DPP6: variants seen among roughly 807,000 people sequenced by gnomAD.
The protein encoded by DPP6 is A-type potassium channel modulatory protein DPP6.
DPP6 carries 69 observed loss-of-function variants against 122.6 expected under a neutral mutation model. That is an observed-to-expected ratio of 0.56 (90% CI 0.46 to 0.69). The LOEUF (loss-of-function observed/expected upper bound fraction) is 0.69. Among genes scored for constraint, DPP6 ranks in the 30% least tolerant of loss-of-function variants. The pLI, the probability that DPP6 is intolerant of heterozygous loss-of-function variation, is 0.00. For synonymous variants in DPP6, 418 were observed against 433.1 expected, an observed-to-expected ratio of 0.97 and a Z score of 0.43; for missense variants, 928 against 1,116.9, an observed-to-expected ratio of 0.83 and a Z score of 2.41.
chr7:153,760,980 T>G, the DPP6 span, among the ~76,000 whole-genome samples: 2 of 152,126 alleles, frequency 1.3e-5, no homozygotes, highest in Non-Finnish European at 2.9e-5. Context: ...CCCCAGACTC[T>G]CAGCTCCATC....
At chr7:154,768,474 T>C (rs1271438892) in intron 8 of DPP6, among the ~76,000 whole-genome samples, 1 of 152,208 alleles carries the variant, frequency 6.6e-6, no homozygotes, top group Non-Finnish European at 1.5e-5. Flanking sequence ...ATATTAATCA[T>C]TATTTTAGAA....
intron 16 of DPP6, among the ~76,000 whole-genome samples, chr7:154,844,536 G>T (rs1046737234): frequency 6.6e-6 from 1 of 152,222 alleles, no homozygotes; most frequent in African/African-American, 2.4e-5. Context: ...TAGAGAAATT[G>T]TATTTTGATT....
chr7:153,802,009 A>T, the DPP6 span, among the ~76,000 whole-genome samples: 6 of 152,222 alleles, frequency 3.9e-5, no homozygotes, highest in African/African-American at 1.4e-4. Context: ...AACTTTGGAA[A>T]GTCAAAATGA....
intron 3 of DPP6, among the ~76,000 whole-genome samples, chr7:154,532,280 T>C (rs979529450): frequency 3.9e-5 from 6 of 152,098 alleles, no homozygotes; most frequent in African/African-American, 1.4e-4. Flanking sequence ...AAATTGGAAA[T>C]AATTTGAACT....
chr7:154,119,661 C>T (rs1451524665), intron 1 of DPP6, among the ~76,000 whole-genome samples: 1 of 132,968 alleles, frequency 7.5e-6, no homozygotes, highest in African/African-American at 2.6e-5. Flanking sequence ...TAAAAAGGGA[C>T]ATAATTAGAT....
intron 1 of DPP6, among the ~76,000 whole-genome samples, chr7:154,308,414 A>G (rs1806563020): frequency 6.6e-6 from 1 of 152,128 alleles, no homozygotes. Flanking sequence ...GGCTTCTGGG[A>G]GACTATTTCT....
At chr7:154,824,743 G>A (rs568909025) in intron 16 of DPP6, among the ~76,000 whole-genome samples, 61 of 152,338 alleles carry the variant, frequency 4.0e-4, no homozygotes, top group African/African-American at 1.4e-3. Context: ...AAAATCAGCT[G>A]CTTCCCTGGC....
At chr7:154,161,015 C>T (rs1464738922) in intron 1 of DPP6, among the ~76,000 whole-genome samples, 2 of 152,158 alleles carry the variant, frequency 1.3e-5, no homozygotes, top group Non-Finnish European at 2.9e-5. Flanking sequence ...GGCAGGTCTA[C>T]TCAGGGGCAG....
At chr7:154,645,068 T>A (rs1486299841) in intron 6 of DPP6, among the ~76,000 whole-genome samples, 1 of 148,948 alleles carries the variant, frequency 6.7e-6, no homozygotes, top group East Asian at 1.9e-4. Flanking sequence ...TTGGTTTTTT[T>A]TTTTTTTTTT....
At chr7:154,283,832 G>A (rs1021838506) in intron 1 of DPP6, among the ~76,000 whole-genome samples, 4 of 152,140 alleles carry the variant, frequency 2.6e-5, no homozygotes, top group Admixed American at 6.5e-5. Context: ...CTCTCTGTGG[G>A]ACATTTGCTC....
At chr7:153,998,312 A>G (rs1797536992) in intron 1 of DPP6, among the ~76,000 whole-genome samples, 1 of 152,228 alleles carries the variant, frequency 6.6e-6, no homozygotes, top group Non-Finnish European at 1.5e-5. Context: ...AATATTCTAT[A>G]TTTAATTTCA....
chr7:154,008,150 T>C (rs1359205652), intron 1 of DPP6, among the ~76,000 whole-genome samples: 2 of 152,158 alleles, frequency 1.3e-5, no homozygotes, highest in African/African-American at 4.8e-5. Context: ...TCCAGGGATG[T>C]AGTTATGTAT....
At chr7:154,488,443 ACT>A (rs1042117127) in intron 3 of DPP6, among the ~76,000 whole-genome samples, 2 of 147,920 alleles carry the variant, frequency 1.4e-5, no homozygotes, top group South Asian at 4.2e-4. Context: ...ATAGAGCGAG[ACT>A]CTGTCTCAAA....
chr7:154,539,860 G>C (rs1828578207), intron 3 of DPP6, among the ~76,000 whole-genome samples: 1 of 151,858 alleles, frequency 6.6e-6, no homozygotes, highest in South Asian at 2.1e-4. Context: ...TGATTTTGGG[G>C]AGTTGTTTTT....
intron 5 of DPP6, among the ~76,000 whole-genome samples, chr7:154,570,663 C>A (rs570614494): frequency 5.0e-4 from 76 of 152,274 alleles, no homozygotes; most frequent in African/African-American, 1.8e-3. Flanking sequence ...TGGGATCATG[C>A]TAATTAGCAT....
chr7:154,493,341 G>C (rs1021602485), intron 3 of DPP6, among the ~76,000 whole-genome samples: 1 of 152,154 alleles, frequency 6.6e-6, no homozygotes, highest in African/African-American at 2.4e-5. Flanking sequence ...CATACTTATG[G>C]TGTCATCTGT....
chr7:153,960,140 A>G (rs548372863), intron 1 of DPP6, among the ~76,000 whole-genome samples: 2 of 152,358 alleles, frequency 1.3e-5, no homozygotes, highest in African/African-American at 4.8e-5. Flanking sequence ...ATCTGATATC[A>G]TAAAGTAAAA....
intron 1 of DPP6, among the ~76,000 whole-genome samples, chr7:154,265,739 A>C (rs1447061034): frequency 6.6e-6 from 1 of 152,032 alleles, no homozygotes; most frequent in Admixed American, 6.5e-5. Context: ...ATTTTATTAT[A>C]TTGTAGTATA....
chr7:154,151,372 C>A (rs56690541), intron 1 of DPP6, among the ~76,000 whole-genome samples: 2,214 of 152,318 alleles, frequency 0.015, 49 homozygotes, highest in African/African-American at 0.05. Context: ...GCCTCCTCAG[C>A]ACTGATCTGA....
Sources: gnomAD v4.1 joint callset for allele counts (sites outside exome capture counted in the v4.1 genomes callset) on GRCh38, gnomAD v4.1.1 for gene constraint, MANE v1.5 for transcripts, NCBI Gene and HGNC (gene_info 2026-07-23, HGNC 2026-07-21) for gene names.